SNTG1: variants seen among roughly 807,000 people sequenced by gnomAD.
SNTG1 encodes the protein syntrophin gamma 1.
A neutral mutation model predicts 74.7 loss-of-function variants in SNTG1; 39 were observed. The ratio of observed to expected loss-of-function variants is 0.52; its 90% CI spans 0.40 to 0.68. The LOEUF is 0.68. SNTG1 is among the 30% of genes least tolerant of loss of function. The pLI is 0.00. For missense variants in SNTG1, 685 were observed against 609.5 expected, an observed-to-expected ratio of 1.12 and a Z score of -1.30; for synonymous variants, 254 against 217.1, an observed-to-expected ratio of 1.17 and a Z score of -1.49.
intron 9 of SNTG1, among the ~76,000 whole-genome samples, chr8:50,527,315 G>A (rs77261479): frequency 0.054 from 8,273 of 152,128 alleles, 342 homozygotes; most frequent in South Asian, 0.18. Flanking sequence ...ACTTGAGGTT[G>A]TCTTTGTTAG....
rs1165622536 is a variant in SNTG1, at chr8:50,122,462, A to G, written c.-102-50099A>G. ...TGAGCACTGCACAAGAAGTAGGTCA[A>G]AAAAAAGCTGTGACTGCACTCAGCC... On this transcript the variant is annotated intron_variant, in intron 1 of 18. Coordinates refer to ENST00000642720, the MANE Select transcript of SNTG1 (RefSeq NM_018967.5). Among the ~76,000 whole-genome samples, 4 of 141,280 alleles carry G rather than the reference A, an allele frequency of 2.8e-5. 2 individuals carry two copies. The highest frequency in any genetic ancestry group is 1.0e-4 in the African/African-American group (4 of 39,052). 92.7% of individuals were successfully genotyped at this position (141,280 alleles called of 152,430 possible).
At chr8:50,613,311 T>C (rs2130998532) in intron 13 of SNTG1, among the ~76,000 whole-genome samples, 1 of 152,284 alleles carries the variant, frequency 6.6e-6, no homozygotes, top group South Asian at 2.1e-4. Context: ...TTTTGAAATT[T>C]GGAACAAGTA....
intron 2 of SNTG1, among the ~76,000 whole-genome samples, chr8:50,350,529 C>T (rs1002900986): frequency 6.6e-6 from 1 of 151,434 alleles, no homozygotes; most frequent in African/African-American, 2.5e-5. Context: ...CACCAATCCA[C>T]ACTCTATATC....
Position 50,262,318 on chromosome 8 carries a change from A to G in SNTG1, c.-28+89683A>G, listed in dbSNP as rs539667328. On this transcript the variant is annotated intron_variant, in intron 2 of 18. Transcript: ENST00000642720. ...ATAGAAATAAGAGCAAATTAAATCCAAAGTAAGCAATAATAATTAAAATTA... is the reference window on the plus strand; with the variant it reads ...ATAGAAATAAGAGCAAATTAAATCCGAAGTAAGCAATAATAATTAAAATTA... 8.7e-4 allele frequency among the ~76,000 whole-genome samples: 133 copies of G among 152,366 alleles called. 1 individual carries two copies. Among genetic ancestry groups the G allele is most frequent in the Non-Finnish European group, 1.6e-3 (107 of 68,028 alleles).
chr8:49,964,498 T>C (rs1224342783), intron 1 of SNTG1, among the ~76,000 whole-genome samples: 1 of 152,226 alleles, frequency 6.6e-6, no homozygotes, highest in Admixed American at 6.5e-5. Context: ...ACTAGGCAGA[T>C]AGGTAGAGAT....
At chr8:50,491,956 A>G (rs941939357) in intron 8 of SNTG1, among the ~76,000 whole-genome samples, 1 of 149,120 alleles carries the variant, frequency 6.7e-6, no homozygotes, top group Non-Finnish European at 1.5e-5. Context: ...TCACTGTTCA[A>G]CTCCCACTTA....
intron 1 of SNTG1, among the ~76,000 whole-genome samples, chr8:50,063,473 G>A (rs992882501): frequency 2.0e-5 from 3 of 152,158 alleles, no homozygotes; most frequent in Non-Finnish European, 4.4e-5. Flanking sequence ...CATGAAATGA[G>A]AACAGCATTG....
chr8:50,153,431 T>G (rs987327946), intron 1 of SNTG1, among the ~76,000 whole-genome samples: 1 of 152,252 alleles, frequency 6.6e-6, no homozygotes, highest in Admixed American at 6.5e-5. Context: ...CCAGTTTTGT[T>G]CCACTGCTGG....
intron 2 of SNTG1, among the ~76,000 whole-genome samples, chr8:50,253,291 C>T (rs964067118): frequency 4.6e-5 from 7 of 152,006 alleles, no homozygotes; most frequent in African/African-American, 1.2e-4. Context: ...GGCGTGGTGG[C>T]GGGCACCTGT....
intron 9 of SNTG1, among the ~76,000 whole-genome samples, chr8:50,503,568 C>T (rs917403187): frequency 1.3e-5 from 2 of 152,192 alleles, no homozygotes; most frequent in East Asian, 1.9e-4. Flanking sequence ...CTTACACTCT[C>T]TTCTTCATAC....
intron 15 of SNTG1, among the ~76,000 whole-genome samples, chr8:50,691,305 T>C (rs2095378006): frequency 1.3e-5 from 2 of 152,290 alleles, no homozygotes; most frequent in South Asian, 2.1e-4. Flanking sequence ...TGTTAGCTGG[T>C]TATTTTGCTC....
chr8:50,106,020 A>G (rs2080356189), intron 1 of SNTG1, among the ~76,000 whole-genome samples: 1 of 152,020 alleles, frequency 6.6e-6, no homozygotes, highest in Admixed American at 6.6e-5. Context: ...GATGCCTTTT[A>G]TTTCTTTCTC....
At chr8:49,954,835 A>C (rs1810019453) in intron 1 of SNTG1, among the ~76,000 whole-genome samples, 1 of 152,180 alleles carries the variant, frequency 6.6e-6, no homozygotes, top group South Asian at 2.1e-4. Flanking sequence ...CCAAAGAAGA[A>C]ACTTTGTATT....
intron 13 of SNTG1, among the ~76,000 whole-genome samples, chr8:50,603,583 G>C (rs1322146047): frequency 6.6e-6 from 1 of 152,048 alleles, no homozygotes; most frequent in African/African-American, 2.4e-5. Context: ...AGGTTTGTCA[G>C]CATCTGGGCA....
rs780984870 is a variant in SNTG1, at chr8:50,154,703, C to A, written c.-102-17858C>A. Among the ~76,000 whole-genome samples the A allele has an allele frequency of 2.0e-5, 3 of 152,130 alleles. 1 individual carries two copies. Among genetic ancestry groups the A allele is most frequent in the Admixed American group, 1.3e-4 (2 of 15,274 alleles). ...AGCATTGAACTAACCAAAATTGCAACCATCTATAAATCACCTGGCCTATAC... is the reference window on the plus strand; with the variant it reads ...AGCATTGAACTAACCAAAATTGCAAACATCTATAAATCACCTGGCCTATAC... On this transcript the variant is annotated intron_variant, in intron 1 of 18. Transcript: ENST00000642720.
chr8:50,268,157 A>G (rs2087576744), intron 2 of SNTG1, among the ~76,000 whole-genome samples: 1 of 152,242 alleles, frequency 6.6e-6, no homozygotes, highest in South Asian at 2.1e-4. Flanking sequence ...AATACCATTT[A>G]AAATGTATCC....
intron 1 of SNTG1, among the ~76,000 whole-genome samples, chr8:50,115,439 G>T (rs970918685): frequency 2.0e-5 from 3 of 151,622 alleles, no homozygotes; most frequent in African/African-American, 7.3e-5. Context: ...CATGTCTGGT[G>T]CCTGTAATCT....
intron 18 of SNTG1, among the ~76,000 whole-genome samples, chr8:50,791,305 G>A (rs1397762541): frequency 1.3e-5 from 2 of 151,620 alleles, no homozygotes; most frequent in East Asian, 1.9e-4. Context: ...AAACTTTTTT[G>A]GTGGAAATAT....
intron 8 of SNTG1, among the ~76,000 whole-genome samples, chr8:50,484,138 T>TTTCTTTCCC (rs2093766304): frequency 1.6e-5 from 1 of 64,294 alleles, no homozygotes; most frequent in Non-Finnish European, 3.1e-5. Flanking sequence ...CTTTCTTTCC[T>TTTCTTTCCC]TCTTTCTTTC....
Sources: allele counts gnomAD v4.1 joint callset (sites outside exome capture counted in the v4.1 genomes callset), GRCh38; gene constraint gnomAD v4.1.1; transcripts MANE v1.5; gene names NCBI Gene and HGNC (gene_info 2026-07-23, HGNC 2026-07-21).